The following JARID2 variants were observed in gnomAD, a reference collection of about 807,000 sequenced individuals.
The protein encoded by JARID2 is jumonji and AT-rich interaction domain containing 2, also known as protein Jumonji.
A neutral mutation model predicts 125.6 loss-of-function variants in JARID2; 21 were observed. The observed-to-expected ratio is 0.17, with a 90% CI of 0.12 to 0.24. The LOEUF is 0.24. JARID2 is among the 10% of genes least tolerant of loss of function. The pLI, the probability that JARID2 is intolerant of heterozygous loss-of-function variation, is 1.00. For missense variants in JARID2, 1,303 were observed against 1,639.6 expected, an observed-to-expected ratio of 0.79 and a Z score of 3.55; for synonymous variants, 736 against 661.6, an observed-to-expected ratio of 1.11 and a Z score of -1.73.
intron 3 of JARID2, among the ~76,000 whole-genome samples, chr6:15,436,392 C>G (rs892611519): frequency 6.6e-6 from 1 of 152,222 alleles, no homozygotes; most frequent in African/African-American, 2.4e-5. Flanking sequence ...GCCGTGCTCT[C>G]CACAACCAGC....
chr6:15,354,756 A>G (rs1008505263), intron 1 of JARID2, among the ~76,000 whole-genome samples: 2 of 152,318 alleles, frequency 1.3e-5, no homozygotes, highest in African/African-American at 4.8e-5. Context: ...TCAGCTGGTA[A>G]TGTAGTTTGG....
intron 1 of JARID2, among the ~76,000 whole-genome samples, chr6:15,261,035 A>G (rs920016723): frequency 6.6e-6 from 1 of 152,236 alleles, no homozygotes; most frequent in Non-Finnish European, 1.5e-5. Flanking sequence ...GGGAGTATAA[A>G]TAATGATGAT....
intron 1 of JARID2, among the ~76,000 whole-genome samples, chr6:15,352,027 T>C (rs1480122404): frequency 6.6e-6 from 1 of 150,926 alleles, no homozygotes; most frequent in Non-Finnish European, 1.5e-5. Flanking sequence ...TTAAAATTGA[T>C]GTTGATATTT....
chr6:15,414,805 T>C (rs938580009), intron 3 of JARID2, among the ~76,000 whole-genome samples: 4 of 152,160 alleles, frequency 2.6e-5, no homozygotes, highest in Admixed American at 1.3e-4. Context: ...TTATAACATA[T>C]ATTTTTTTGT....
chr6:15,298,602 C>T (rs1174715870), intron 1 of JARID2, among the ~76,000 whole-genome samples: 4 of 151,588 alleles, frequency 2.6e-5, no homozygotes, highest in Admixed American at 2.0e-4. Context: ...ATTGCTTGAA[C>T]CCAGGAGGCA....
chr6:15,408,915 A>G (rs905372429), intron 2 of JARID2, among the ~76,000 whole-genome samples: 1 of 152,028 alleles, frequency 6.6e-6, no homozygotes, highest in Non-Finnish European at 1.5e-5. Context: ...GGGTTTTTGT[A>G]TGTTTCTATT....
At chr6:15,488,202 G>GGC (rs1177004854) in intron 6 of JARID2, among the ~76,000 whole-genome samples, 2 of 152,184 alleles carry the variant, frequency 1.3e-5, no homozygotes, top group Admixed American at 1.3e-4. Context: ...GTTCTGGTGA[G>GGC]GCAGTTTTGA....
At chr6:15,371,229 AT>A (rs1764156036) in intron 1 of JARID2, among the ~76,000 whole-genome samples, 1 of 152,192 alleles carries the variant, frequency 6.6e-6, no homozygotes, top group Non-Finnish European at 1.5e-5. Context: ...TAGGGGAATA[AT>A]TCTCTCAACT....
chr6:15,422,771 G>A (rs1353937300), intron 3 of JARID2, among the ~76,000 whole-genome samples: 2 of 152,074 alleles, frequency 1.3e-5, no homozygotes, highest in African/African-American at 4.8e-5. Flanking sequence ...GGGCTTCCCC[G>A]CTCCCCCTCC....
intron 1 of JARID2, among the ~76,000 whole-genome samples, chr6:15,353,757 A>G (rs889480550): frequency 1.3e-5 from 2 of 152,230 alleles, no homozygotes; most frequent in South Asian, 2.1e-4. Context: ...ATTCTTTTCA[A>G]TCAAAACAAT....
intron 1 of JARID2, among the ~76,000 whole-genome samples, chr6:15,264,628 TGTGTGTGTGTGTGA>T (rs1175947065): frequency 6.6e-6 from 1 of 151,248 alleles, no homozygotes; most frequent in African/African-American, 2.4e-5. Context: ...TGTGTGTGTG[TGTGTGTGTGTGTGA>T]GAGAGAGAGA....
chr6:15,502,416 G>A (rs1770786018), intron 8 of JARID2, among the ~76,000 whole-genome samples: 1 of 152,252 alleles, frequency 6.6e-6, no homozygotes, highest in Non-Finnish European at 1.5e-5. Context: ...TGGAAGGGAA[G>A]CGTTCTCTGC....
chr6:15,370,646 T>C (rs1402700902), intron 1 of JARID2, among the ~76,000 whole-genome samples: 2 of 152,240 alleles, frequency 1.3e-5, no homozygotes, highest in East Asian at 3.9e-4. Flanking sequence ...CGGCCATATC[T>C]GGGCTGTTTT....
chr6:15,495,523 C>G (rs1434214475), intron 6 of JARID2, among the ~76,000 whole-genome samples: 6 of 152,240 alleles, frequency 3.9e-5, no homozygotes. Context: ...AGCCACACCT[C>G]TGGGCCTGGC....
chr6:15,444,931 G>A (rs1767609625), intron 3 of JARID2, among the ~76,000 whole-genome samples: 1 of 152,050 alleles, frequency 6.6e-6, no homozygotes, highest in South Asian at 2.1e-4. Context: ...TTCACTTTAA[G>A]CCGCCTGGTC....
intron 1 of JARID2, among the ~76,000 whole-genome samples, chr6:15,317,249 C>T (rs542079656): frequency 3.9e-5 from 6 of 152,128 alleles, no homozygotes; most frequent in South Asian, 4.1e-4. Flanking sequence ...GAAAAATAAT[C>T]GATCTGAAAC....
chr6:15,324,336 A>AT (rs1034195136), intron 1 of JARID2: 11 of 152,002 alleles, frequency 7.2e-5, no homozygotes, highest in Admixed American at 2.6e-4. Flanking sequence ...GAGTTTTATA[A>AT]TTTTTTCCCC....
chr6:15,389,282 C>T (rs1032317299), intron 2 of JARID2, among the ~76,000 whole-genome samples: 19 of 152,164 alleles, frequency 1.2e-4, no homozygotes, highest in African/African-American at 4.3e-4. Context: ...ACCTCAGCCG[C>T]CTGAGTGGAT....
chr6:15,435,377 T>G (rs1767158696), intron 3 of JARID2, among the ~76,000 whole-genome samples: 1 of 152,216 alleles, frequency 6.6e-6, no homozygotes, highest in South Asian at 2.1e-4. Context: ...GTTTTACAAC[T>G]TCTCAGGAAA....
Sources: allele counts gnomAD v4.1 joint callset (sites outside exome capture counted in the v4.1 genomes callset), GRCh38; gene constraint gnomAD v4.1.1; transcripts MANE v1.5; gene names NCBI Gene and HGNC (gene_info 2026-07-23, HGNC 2026-07-21).